The following OTOP3 variants were observed in gnomAD, a reference collection of about 807,000 sequenced individuals.
OTOP3 encodes the protein proton channel OTOP3.
Under a neutral mutation model 50.8 loss-of-function variants are expected in OTOP3, and 41 were observed. The observed-to-expected ratio is 0.81, with a 90% confidence interval of 0.63 to 1.05. The LOEUF is 1.05. OTOP3 is among the 50% of genes least tolerant of loss of function. The probability of loss-of-function intolerance (pLI) is 0.00; values close to 1 mark genes in which losing one functional copy is unlikely to be tolerated. For missense variants in OTOP3, 788 were observed against 760.8 expected, an observed-to-expected ratio of 1.04 and a Z score of -0.42; for synonymous variants, 320 against 324.4, an observed-to-expected ratio of 0.99 and a Z score of 0.14.
chr17:74,943,827 C>A, intron 5 of OTOP3, 103 bp downstream of exon 5: 1 of 1,017,482 alleles, frequency 9.8e-7, no homozygotes, highest in Admixed American at 2.1e-5. Context: ...AGGTGAGGCT[C>A]AGTAGGTCTA....
intron 5 of OTOP3, among the ~76,000 whole-genome samples, chr17:74,946,271 C>A (rs2039223583): frequency 6.6e-6 from 1 of 152,220 alleles, no homozygotes; most frequent in South Asian, 2.1e-4. Flanking sequence ...AACCACCGCA[C>A]CTGGCCATGT....
Position 74,946,964 on chromosome 17 carries a change from A to G in OTOP3, c.1055A>G (p.Gln352Arg), listed in dbSNP as rs973175821. 1 of 1,613,586 alleles carries G rather than the reference A, an allele frequency of 6.2e-7. No homozygotes were observed. Among genetic ancestry groups the G allele is most frequent in the Non-Finnish European group, 8.5e-7 (1 of 1,180,018 alleles). Residue 352 changes from glutamine (Q) to arginine (R), a missense_variant, in exon 6 of 7, where the codon CAG becomes CGG. By Grantham distance (43) the Gln-to-Arg change is conservative. Transcript: ENST00000328801. ...IEASGPAIAC[Q>R]YFTLYYAFYV... ...GCCAGTGGCCCTGCCATTGCTTGCC[A>G]GTACTTCACCCTCTACTATGCCTTC...
intron 2 of OTOP3, 42 bp from the exon 3 acceptor site, chr17:74,941,859 G>A (rs372344367): frequency 2.0e-5 from 32 of 1,589,796 alleles, no homozygotes; most frequent in African/African-American, 2.7e-5. Context: ...AGGGAGAGCC[G>A]GTTCCGCGCA....
intron 1 of OTOP3, among the ~76,000 whole-genome samples, chr17:74,939,335 G>A (rs2039148516): frequency 6.6e-6 from 1 of 152,102 alleles, no homozygotes; most frequent in Non-Finnish European, 1.5e-5. Flanking sequence ...GTGACATTAG[G>A]AAGCAAGAGA....
intron 1 of OTOP3, among the ~76,000 whole-genome samples, chr17:74,938,956 C>T (rs1018721191): frequency 9.3e-5 from 14 of 150,668 alleles, no homozygotes; most frequent in Admixed American, 6.6e-4. Flanking sequence ...TCACTCGAGG[C>T]GAGGAGTTCA....
intron 3 of OTOP3, among the ~76,000 whole-genome samples, chr17:74,942,468 T>G (rs1458604488): frequency 6.6e-6 from 1 of 151,556 alleles, no homozygotes; most frequent in Admixed American, 6.6e-5. Context: ...CTGTCTCTAC[T>G]GAAAATACAA....
At chr17:74,948,433 A>T (rs2039249913) in intron 6 of OTOP3, among the ~76,000 whole-genome samples, 2 of 152,120 alleles carry the variant, frequency 1.3e-5, no homozygotes, top group African/African-American at 4.8e-5. Flanking sequence ...GACTGAGGTG[A>T]GTGGATCATT....
intron 1 of OTOP3, among the ~76,000 whole-genome samples, chr17:74,936,989 G>A (rs2039124995): frequency 8.6e-6 from 1 of 116,576 alleles, no homozygotes; most frequent in East Asian, 2.8e-4. Context: ...TTGAGACAGG[G>A]TCTAACTCTG....
At chr17:74,942,499 C>T (rs149635590) in intron 3 of OTOP3, among the ~76,000 whole-genome samples, 2,729 of 152,100 alleles carry the variant, frequency 0.018, 89 homozygotes, top group African/African-American at 0.062. Context: ...GGTGTGGTGG[C>T]GCACGCCTGT....
At position 74,941,928 on chromosome 17, in the gene OTOP3, C is replaced by G; in HGVS notation, c.464C>G (p.Thr155Ser). The G allele has an allele frequency of 6.2e-7, 1 of 1,611,834 alleles. No homozygotes were observed. Reference protein sequence around the residue: ...RGSLVLFGSCTFCLNIFRVGY... With the variant: ...RGSLVLFGSCSFCLNIFRVGY... ...TCCCTAGTGCTCTTCGGCAGCTGCA[C>G]CTTCTGCCTCAACATCTTCCGAGTG... Residue 155 changes from threonine to serine, a missense_variant, in exon 3 of 7, where the codon ACC (threonine) becomes AGC (serine). By Grantham distance (58) the Thr-to-Ser change is moderately conservative. Transcript: ENST00000328801.
intron 6 of OTOP3, 26 bp downstream of exon 6, chr17:74,947,501 G>A (rs1598608579): frequency 3.2e-6 from 5 of 1,548,912 alleles, no homozygotes; most frequent in Non-Finnish European, 3.5e-6. Flanking sequence ...AAGGGGCCTG[G>A]AGGGTAGAGG....
Position 74,947,472 on chromosome 17 carries a change from C to T in OTOP3, c.1563C>T (p.Ile521=), listed in dbSNP as rs775890415. 1 of 1,595,276 alleles carries T rather than the reference C, an allele frequency of 6.3e-7. No homozygotes were observed. Among genetic ancestry groups the T allele is most frequent in the Admixed American group, 1.7e-5 (1 of 58,592 alleles). Residue 521 remains isoleucine (I), a synonymous_variant, in exon 6 of 7, where the codon ATC becomes ATT. Coordinates refer to ENST00000328801, the MANE Select transcript of OTOP3 (RefSeq NM_001272005.2). ...EISLFLILCN[I]TLWMMPAFGI... ...CACTCTTCCTCATCCTCTGCAATATCACAGTAAGTGGCTGGGCTAAGGGGC... is the reference window on the plus strand; with the variant it reads ...CACTCTTCCTCATCCTCTGCAATATTACAGTAAGTGGCTGGGCTAAGGGGC...
intron 3 of OTOP3, 54 bp from the exon 4 acceptor site, chr17:74,943,232 C>T: frequency 6.6e-7 from 1 of 1,525,102 alleles, no homozygotes; most frequent in South Asian, 1.1e-5. Flanking sequence ...GGAACTCACA[C>T]TGTGGTCCCA....
chr17:74,943,759 AACAC>A (rs35254855), intron 5 of OTOP3, 35 bp downstream of exon 5: 28,137 of 956,398 alleles, frequency 0.029, 298 homozygotes, highest in African/African-American at 0.11. Context: ...CTTGCCCTGA[AACAC>A]ACACACACAC....
intron 5 of OTOP3, 114 bp downstream of exon 5, chr17:74,943,838 T>C (rs1598605875): frequency 2.2e-6 from 2 of 922,210 alleles, no homozygotes; most frequent in Middle Eastern, 2.8e-4. Context: ...AGTAGGTCTA[T>C]AGAGTTGGGA....
intron 1 of OTOP3, among the ~76,000 whole-genome samples, chr17:74,940,112 CACACACACACACACACACACAT>C (rs1351565467): frequency 1.4e-5 from 2 of 143,200 alleles, no homozygotes; most frequent in Admixed American, 7.2e-5. Flanking sequence ...CACACACACA[CACACACACACACACACACACAT>C]ACATATATAC....
chr17:74,935,969 C>G, intron 1 of OTOP3, 29 bp downstream of exon 1: 1 of 1,539,440 alleles, frequency 6.5e-7, no homozygotes, highest in Non-Finnish European at 8.7e-7. Context: ...CGGAACTTTC[C>G]CAGCTTGCGC....
At chr17:74,940,088 TACACACACACACACACAC>T (rs35662550) in intron 1 of OTOP3, among the ~76,000 whole-genome samples, 12 of 122,322 alleles carry the variant, frequency 9.8e-5, no homozygotes, top group Admixed American at 1.9e-4. Flanking sequence ...ATATATATTA[TACACACACACACACACAC>T]ACACACACAC....
chr17:74,944,925 A>G (rs2039211177), intron 5 of OTOP3, among the ~76,000 whole-genome samples: 1 of 152,124 alleles, frequency 6.6e-6, no homozygotes, highest in South Asian at 2.1e-4. Context: ...ATATTTCAGC[A>G]TGCATCTTTT....
Sources: gnomAD v4.1 joint callset for allele counts (sites outside exome capture counted in the v4.1 genomes callset) on GRCh38, gnomAD v4.1.1 for gene constraint, MANE v1.5 for transcripts, NCBI Gene and HGNC (gene_info 2026-07-23, HGNC 2026-07-21) for gene names.